Variants in CELF6 observed in about 807,000 individuals in gnomAD.
CELF6 encodes CUGBP Elav-like family member 6, also known as Bruno -like 6, RNA binding protein.
In CELF6, 32 loss-of-function variants were observed where a neutral mutation model predicts 53.1. The observed-to-expected ratio is 0.60, with a 90% CI of 0.46 to 0.81. The LOEUF is 0.81. Ranked by LOEUF, CELF6 falls within the 30% of genes least tolerant of loss-of-function variation. The pLI, the probability that CELF6 is intolerant of heterozygous loss-of-function variation, is 0.00. For synonymous variants in CELF6, 291 were observed against 288.8 expected, an observed-to-expected ratio of 1.01 and a Z score of -0.08; for missense variants, 539 against 669.5, an observed-to-expected ratio of 0.81 and a Z score of 2.15.
intron 3 of CELF6, among the ~76,000 whole-genome samples, chr15:72,294,644 GT>G (rs1222781683): frequency 6.6e-6 from 1 of 152,180 alleles, no homozygotes; most frequent in Non-Finnish European, 1.5e-5. Flanking sequence ...AATCAGTTGT[GT>G]TTCTACACAC....
chr15:72,288,516 TG>T lies in CELF6; in HGVS notation c.1174+21del. The T allele has an allele frequency of 6.2e-7, 1 of 1,612,394 alleles. No homozygotes were observed. The highest frequency in any genetic ancestry group is 8.5e-7 in the Non-Finnish European group (1 of 1,178,798). On this transcript the variant is annotated intron_variant, in intron 10 of 12. Coordinates refer to ENST00000287202, the MANE Select transcript of CELF6 (RefSeq NM_052840.5). This position sits in a 1 kb window ranked among gnomAD's most constrained non-coding sequence, Gnocchi z 4.6. The stretch of plus-strand genomic sequence containing the variant: ...TGAGTCCAGCCCCACCAGGTTCTGC[TG>T]TCCAGCCCCCAGTCCCTCACCTTCT...
At position 72,320,111 on chromosome 15, in the gene CELF6, T is replaced by C. The variant is rs1483549078; in HGVS notation, c.-237A>G. 1.5e-6 allele frequency: 1 copy of C among 646,830 alleles called. No homozygotes were observed. The highest frequency in any genetic ancestry group is 1.5e-5 in the South Asian group (1 of 66,098). 40.1% of individuals were successfully genotyped at this position (646,830 alleles called of 1,614,324 possible). ...GAGGTGGCGGCTGAACGCTGGGGTC[T>C]GGCTTGAGGTCCCCGTGCGGCTCTC... On this transcript the variant is annotated 5_prime_UTR_variant, in exon 1 of 13. Coordinates refer to ENST00000287202, the MANE Select transcript of CELF6 (RefSeq NM_052840.5).
In CELF6 at chr15:72,311,405, C is replaced by CTT. The variant is rs531976963; in HGVS notation, c.345+4438_345+4439dup. On this transcript the variant is annotated intron_variant, in intron 2 of 12. Coordinates refer to ENST00000287202, the MANE Select transcript of CELF6 (RefSeq NM_052840.5). ...AGATGCAATGAGGCTCACCTTTTTT[C>CTT]TTTTTTTTTTTTTTTGAGACAGAGT... 6.7e-3 allele frequency among the ~76,000 whole-genome samples: 934 copies of CTT among 138,580 alleles called. 16 individuals carry two copies. The highest frequency in any genetic ancestry group is 0.024 in the African/African-American group (883 of 37,070). 90.9% of individuals were successfully genotyped at this position (138,580 alleles called of 152,430 possible).
At chr15:72,292,941 G>A (rs1300898483) in intron 3 of CELF6, among the ~76,000 whole-genome samples, 1 of 152,188 alleles carries the variant, frequency 6.6e-6, no homozygotes, top group African/African-American at 2.4e-5. Context: ...GTGGGAAAAT[G>A]GCTTGGACCT....
rs755156686 is a variant in CELF6 at position 72,315,904 on chromosome 15, C to T, written c.286G>A (p.Ala96Thr). The T allele has an allele frequency of 1.9e-5, 31 of 1,607,676 alleles. No individual in the cohort carries two copies. Among genetic ancestry groups the T allele is most frequent in the African/African-American group, 9.4e-5 (7 of 74,804 alleles). ...HKGCAFLTYC[A>T]RDSALKAQSA... ...TGGGCCTTGAGAGCAGAGTCCCGGG[C>T]GCAGTAGGTGAGGAAGGCACAGCCT... Residue 96 changes from alanine to threonine, a missense_variant, in exon 2 of 13, where the codon GCC becomes ACC. Transcript: ENST00000287202.
chr15:72,312,012 T>C (rs2088303724), intron 2 of CELF6, among the ~76,000 whole-genome samples: 2 of 152,020 alleles, frequency 1.3e-5, no homozygotes, highest in South Asian at 4.1e-4. Context: ...CTTCACAGCG[T>C]TTGAAGGGAT....
In CELF6 at chr15:72,288,278, G is replaced by A. The variant is rs759501311; in HGVS notation, c.1318+30C>T. The A allele has an allele frequency of 1.2e-6, 2 of 1,612,540 alleles. No individual in the cohort carries two copies. Among genetic ancestry groups the A allele is most frequent in the East Asian group, 2.2e-5 (1 of 44,884 alleles). On this transcript the variant is annotated intron_variant, in intron 11 of 12. Transcript: ENST00000287202. The surrounding 1 kb of genome is among the most constrained non-coding windows in gnomAD (Gnocchi z 4.6). ...GGAAATCCTTTATAGTCAGAGGTGGGAGAGGCCTAGGGGTAGGTTCTCAGC... is the reference window on the plus strand; with the variant it reads ...GGAAATCCTTTATAGTCAGAGGTGGAAGAGGCCTAGGGGTAGGTTCTCAGC...
chr15:72,299,446 G>A (rs1007676849), intron 3 of CELF6, among the ~76,000 whole-genome samples: 6 of 145,730 alleles, frequency 4.1e-5, no homozygotes, highest in East Asian at 2.1e-4. Flanking sequence ...TGCAACCTCC[G>A]CCTCCTGGGT....
chr15:72,314,034 C>A (rs796623052), intron 2 of CELF6, among the ~76,000 whole-genome samples: 6 of 152,094 alleles, frequency 3.9e-5, no homozygotes, highest in African/African-American at 1.4e-4. Flanking sequence ...GGCCTGGATC[C>A]ACACCCAGGT....
In CELF6 at chr15:72,320,157, C is replaced by G. The variant is rs1383105092; in HGVS notation, c.-283G>C. 2 of 626,552 alleles carry G rather than the reference C, an allele frequency of 3.2e-6. No homozygotes were observed. The highest frequency in any genetic ancestry group is 5.9e-6 in the Non-Finnish European group (2 of 337,038). The allele number at this position is 626,552 out of a possible 1,614,324, so 38.8% of individuals were successfully genotyped here. On this transcript the variant is annotated 5_prime_UTR_variant, in exon 1 of 13. Transcript: ENST00000287202. ...CTCTCTCTGGGCTCCCGCCCGAGCT[C>G]TCCCAGAGCCGAGCCCCGAGCCCCA...
chr15:72,289,122 G>A lies in CELF6; in HGVS notation c.1030+16C>T. 1.3e-6 allele frequency: 2 copies of A among 1,507,194 alleles called. No individual in the cohort carries two copies. The highest frequency in any genetic ancestry group is 2.5e-5 in the Admixed American group (1 of 39,598). 93.4% of individuals were successfully genotyped at this position (1,507,194 alleles called of 1,614,324 possible). ...CACTCCATTTCGGGGGGATTTGGGC[G>A]GAGCGGGGGGCCCACCTGGATAAGG... On this transcript the variant is annotated intron_variant, in intron 8 of 12. Coordinates refer to ENST00000287202, the MANE Select transcript of CELF6 (RefSeq NM_052840.5). The surrounding 1 kb of genome is among the most constrained non-coding windows in gnomAD (Gnocchi z 7.6).
rs189837938 is a variant in CELF6 at position 72,296,221 on chromosome 15, T to C, written c.395-5966A>G. On this transcript the variant is annotated intron_variant, in intron 3 of 12. Coordinates refer to ENST00000287202, the MANE Select transcript of CELF6 (RefSeq NM_052840.5). ...CTTACCTTTCACCATATACACAAGA[T>C]TAACTGAAAATGGATGAGTCCTAAA... is the stretch of plus-strand genomic sequence containing the variant. Among the ~76,000 whole-genome samples the C allele has an allele frequency of 9.3e-4, 141 of 152,236 alleles. 1 individual carries two copies. The highest frequency in any genetic ancestry group is 3.4e-3 in the Middle Eastern group (1 of 294).
chr15:72,287,554 G>C (rs951407813), intron 11 of CELF6, among the ~76,000 whole-genome samples, 162 bp from the exon 12 acceptor site: 2 of 152,222 alleles, frequency 1.3e-5, no homozygotes, highest in Non-Finnish European at 2.9e-5. Context: ...GATGGCCTGA[G>C]ATTCCTAAAG....
intron 2 of CELF6, among the ~76,000 whole-genome samples, chr15:72,308,454 C>T (rs545121182): frequency 5.2e-4 from 79 of 151,936 alleles, no homozygotes; most frequent in South Asian, 2.9e-3. Flanking sequence ...CTTGAACTCC[C>T]GACCTCAGGT....
At chr15:72,300,839 G>C (rs1472637044) in intron 3 of CELF6, among the ~76,000 whole-genome samples, 1 of 138,024 alleles carries the variant, frequency 7.2e-6, no homozygotes, top group Non-Finnish European at 1.6e-5. Flanking sequence ...ATCTCAAAAA[G>C]AAAAAAAAAA....
rs920011108 is a variant in CELF6 at position 72,289,738 on chromosome 15, C to A, written c.636G>T (p.Ala212=). Residue 212 remains alanine, a synonymous_variant, in exon 6 of 13, where the codon GCG becomes GCT. Coordinates refer to ENST00000287202, the MANE Select transcript of CELF6 (RefSeq NM_052840.5). This position sits in a 1 kb window ranked among gnomAD's most constrained non-coding sequence, Gnocchi z 7.6. ...GASSSLVVKL[A]DTDRERALRR... The stretch of plus-strand genomic sequence containing the variant: ...GCAGCGCGCGCTCCCGGTCGGTGTC[C>A]GCCAGCTTGACCACGAGGCTGGACG... 4 of 1,468,544 alleles carry A rather than the reference C, an allele frequency of 2.7e-6. No homozygotes were observed. Among genetic ancestry groups the A allele is most frequent in the Non-Finnish European group, 3.6e-6 (4 of 1,117,696 alleles). The allele number at this position is 1,468,544 out of a possible 1,614,324, so 91.0% of individuals were successfully genotyped here.
rs1393927824 is a variant in CELF6 at position 72,288,664 on chromosome 15, C to A, written c.1094-46G>T. The A allele has an allele frequency of 5.2e-6, 8 of 1,527,278 alleles. No homozygotes were observed. Among genetic ancestry groups the A allele is most frequent in the Non-Finnish European group, 7.1e-6 (8 of 1,127,254 alleles). 94.6% of individuals were successfully genotyped at this position (1,527,278 alleles called of 1,614,324 possible). ...GGACAGTGATCCCCAGGAGCCCTTC[C>A]CCAAGCAGGGCCCCAACTGCCTGGC... On this transcript the variant is annotated intron_variant, in intron 9 of 12. Transcript: ENST00000287202. This position sits in a 1 kb window ranked among gnomAD's most constrained non-coding sequence, Gnocchi z 4.6.
At chr15:72,294,837 G>C (rs1056680126) in intron 3 of CELF6, among the ~76,000 whole-genome samples, 3 of 151,878 alleles carry the variant, frequency 2.0e-5, no homozygotes, top group Non-Finnish European at 2.9e-5. Context: ...AATTAGCCAG[G>C]CATGGTGGCA....
chr15:72,288,556 G>A lies in CELF6; in HGVS notation c.1156C>T (p.Pro386Ser), dbSNP rs760953520. Residue 386 changes from proline to serine, a missense_variant, in exon 10 of 13, where the codon CCC becomes TCC. Around this residue, in one of 3 missense-constraint regions of CELF6, gnomAD observed 358 missense variants for 412.8 expected, o/e 0.87. Coordinates refer to ENST00000287202, the MANE Select transcript of CELF6 (RefSeq NM_052840.5). This position sits in a 1 kb window ranked among gnomAD's most constrained non-coding sequence, Gnocchi z 4.6. ...TAFPQQPSAL[P>S]QQQREGPEGC... ...CCCTCACCTTCTCTCTGCTGCTGGG[G>A]CAGGGCTGAAGGCTGCTGGGGAAAA... is the stretch of plus-strand genomic sequence containing the variant. The A allele has an allele frequency of 7.5e-6, 12 of 1,600,270 alleles. No homozygotes were observed. Among genetic ancestry groups the A allele is most frequent in the Middle Eastern group, 1.7e-4 (1 of 5,972 alleles).
Sources: gnomAD v4.1 joint callset for allele counts (sites outside exome capture counted in the v4.1 genomes callset) on GRCh38, gnomAD v4.1.1 for gene constraint, gnomAD v4.1.1 regional missense constraint, Gnocchi (gnomAD v3.1) non-coding constraint, MANE v1.5 for transcripts, NCBI Gene and HGNC (gene_info 2026-07-23, HGNC 2026-07-21) for gene names.